SDCCAG8: variants seen among roughly 807,000 people sequenced by gnomAD.
SDCCAG8 encodes the protein serologically defined colon cancer antigen 8.
A neutral mutation model predicts 101.8 loss-of-function variants in SDCCAG8; 74 were observed. The observed-to-expected ratio is 0.73, with a 90% CI of 0.60 to 0.88. SDCCAG8 has a LOEUF of 0.88. Among genes scored for constraint, SDCCAG8 ranks in the 40% least tolerant of loss-of-function variants. The pLI is 0.00. For missense variants in SDCCAG8, 787 were observed against 822.6 expected (o/e 0.96, Z 0.53); for synonymous variants, 281 against 292.9 (o/e 0.96, Z 0.41).
rs115217784 is a variant in SDCCAG8, at chr1:243,495,377, C to T, written c.2113-4379C>T. Reference sequence around the variant, plus strand: ...GGTTTCTGCGGCCCTGTTCCTTTCTCGGAGCCCAGAAGCAGCAAAGCCAAG... The same window carrying T: ...GGTTTCTGCGGCCCTGTTCCTTTCTTGGAGCCCAGAAGCAGCAAAGCCAAG... On this transcript the variant is annotated intron_variant, in intron 17 of 17. Transcript: ENST00000366541. 7.1e-3 allele frequency among the ~76,000 whole-genome samples: 1,088 copies of T among 152,316 alleles called. 14 individuals carry two copies. The highest frequency in any genetic ancestry group is 0.024 in the African/African-American group (996 of 41,576).
rs187680899 is a variant in SDCCAG8, at chr1:243,496,956, C to T, written c.2113-2800C>T. Reference sequence around the variant, plus strand: ...GGGAGCAGTGGCCAGGGCGCCCTGTCGCCCCCCTCTGAGCTGCAGGACAGC... The same window carrying T: ...GGGAGCAGTGGCCAGGGCGCCCTGTTGCCCCCCTCTGAGCTGCAGGACAGC... On this transcript the variant is annotated intron_variant, in intron 17 of 17. Transcript: ENST00000366541. Among the ~76,000 whole-genome samples, 439 of 152,328 alleles carry T rather than the reference C, an allele frequency of 2.9e-3. 7 individuals carry two copies. Among genetic ancestry groups the T allele is most frequent in the Admixed American group, 0.021 (325 of 15,308 alleles).
Position 243,437,160 on chromosome 1 carries a change from T to A in SDCCAG8, c.1985+10602T>A, listed in dbSNP as rs181185038. On this transcript the variant is annotated intron_variant, in intron 16 of 17. Transcript: ENST00000366541. ...AATTAAATCTGATTTTTCATTTCTG[T>A]AGTTGTGTTTGTTGCTTTGCCTTAG... Among the ~76,000 whole-genome samples the A allele has an allele frequency of 4.3e-4, 65 of 152,364 alleles. 2 individuals carry two copies. Among genetic ancestry groups the A allele is most frequent in the Admixed American group, 4.1e-3 (63 of 15,306 alleles).
In SDCCAG8 at chr1:243,486,185, G is replaced by A. The variant is rs1025930820; in HGVS notation, c.1986-2829G>A. 1.5e-4 allele frequency among the ~76,000 whole-genome samples: 10 copies of A among 67,244 alleles called. No individual in the cohort carries two copies. In the Admixed American group the frequency reaches 1.5e-3, roughly 10 times the overall value. 44.1% of individuals were successfully genotyped at this position (67,244 alleles called of 152,430 possible). A position where few individuals can be genotyped will look rare whatever the true frequency, so the allele number is the denominator to read the frequency against. On this transcript the variant is annotated intron_variant, in intron 16 of 17. Coordinates refer to ENST00000366541, the MANE Select transcript of SDCCAG8 (RefSeq NM_006642.5). ...CATTGTACTCCAGCCTGGGCAACAA[G>A]AGCAAAACTCTGCCTCCAAAAAAAA...
rs369369025 is a variant in SDCCAG8, at chr1:243,320,986, GC to G, written c.1068+4094del. On this transcript the variant is annotated intron_variant, in intron 9 of 17. Coordinates refer to ENST00000366541, the MANE Select transcript of SDCCAG8 (RefSeq NM_006642.5). ...GATGTACCCTTTATATGCCTTTATA[GC>G]AGGGTTTTTCAACCTTGGTGCTATT... is the stretch of plus-strand genomic sequence containing the variant. 4.9e-3 allele frequency among the ~76,000 whole-genome samples: 739 copies of G among 152,230 alleles called. 9 individuals are homozygous for G. Among genetic ancestry groups the G allele is most frequent in the African/African-American group, 0.017 (709 of 41,538 alleles).
intron 16 of SDCCAG8, among the ~76,000 whole-genome samples, chr1:243,451,800 G>A (rs1254908383): frequency 3.3e-5 from 5 of 152,202 alleles, no homozygotes; most frequent in East Asian, 3.9e-4. Context: ...TTGGTGGTGC[G>A]TGCCTGTAAT....
At chr1:243,449,543 G>A (rs1024432251) in intron 16 of SDCCAG8, among the ~76,000 whole-genome samples, 1 of 152,188 alleles carries the variant, frequency 6.6e-6, no homozygotes, top group Admixed American at 6.5e-5. Flanking sequence ...CTTGGAAGAC[G>A]ATCCTTGGAA....
chr1:243,350,676 A>C (rs1489145174), intron 12 of SDCCAG8, among the ~76,000 whole-genome samples: 1 of 152,256 alleles, frequency 6.6e-6, no homozygotes, highest in South Asian at 2.1e-4. Flanking sequence ...TTGAGTCTTC[A>C]ATATGGACAG....
intron 1 of SDCCAG8, chr1:243,267,512 G>A: frequency 2.6e-6 from 1 of 388,128 alleles, no homozygotes. Context: ...TGAGGCAGGA[G>A]AATCGCTTGA....
intron 1 of SDCCAG8, among the ~76,000 whole-genome samples, chr1:243,258,395 T>C (rs539273642): frequency 2.0e-5 from 3 of 152,288 alleles, no homozygotes; most frequent in Admixed American, 2.0e-4. Flanking sequence ...TAAATTGCTA[T>C]TTTTGAGTAG....
In SDCCAG8 at chr1:243,396,790, A is replaced by G. The variant is rs552578136; in HGVS notation, c.1616+17927A>G. 2.2e-3 allele frequency among the ~76,000 whole-genome samples: 342 copies of G among 152,336 alleles called. 1 individual carries two copies. The highest frequency in any genetic ancestry group is 8.1e-3 in the African/African-American group (335 of 41,570). ...AATGATCATTAAAACACCATGTCTT[A>G]CTACTTTGACTCCAAATTATTGTCT... On this transcript the variant is annotated intron_variant, in intron 13 of 17. Coordinates refer to ENST00000366541, the MANE Select transcript of SDCCAG8 (RefSeq NM_006642.5).
chr1:243,341,099 G>A lies in SDCCAG8; in HGVS notation c.1282G>A (p.Glu428Lys). 1.2e-6 allele frequency: 2 copies of A among 1,614,074 alleles called. No individual in the cohort carries two copies. The highest frequency in any genetic ancestry group is 1.7e-6 in the Non-Finnish European group (2 of 1,179,928). Reference sequence around the variant, plus strand: ...GGCCCAGGTGGAAAAGGTTACAAAGGAAAAGATTTCAGCTATTAATCAACT... The same window carrying A: ...GGCCCAGGTGGAAAAGGTTACAAAGAAAAAGATTTCAGCTATTAATCAACT... ...LEAQVEKVTK[E>K]KISAINQLEE... The change falls in exon 11 of 18, where the codon GAA becomes AAA. Residue 428 changes from glutamate to lysine, a missense_variant. Glu to Lys is a moderately conservative substitution (Grantham distance 56). Coordinates refer to ENST00000366541, the MANE Select transcript of SDCCAG8 (RefSeq NM_006642.5).
At chr1:243,300,557 A>G (rs1013582898) in intron 6 of SDCCAG8, among the ~76,000 whole-genome samples, 1 of 152,126 alleles carries the variant, frequency 6.6e-6, no homozygotes, top group Middle Eastern at 3.2e-3. Context: ...TGATATTTTT[A>G]TTCTTCTTGT....
At chr1:243,281,588 T>C (rs1286733077) in intron 4 of SDCCAG8, among the ~76,000 whole-genome samples, 1 of 151,952 alleles carries the variant, frequency 6.6e-6, no homozygotes, top group African/African-American at 2.4e-5. Flanking sequence ...GTTACTATTA[T>C]CTTCATTGTC....
chr1:243,448,897 T>G (rs2083140444), intron 16 of SDCCAG8, among the ~76,000 whole-genome samples: 2 of 152,208 alleles, frequency 1.3e-5, no homozygotes, highest in South Asian at 4.1e-4. Flanking sequence ...ATCCTTTTTA[T>G]CTCCTAAAAT....
chr1:243,492,808 C>T lies in SDCCAG8; in HGVS notation c.2112+3668C>T, dbSNP rs141632962. Among the ~76,000 whole-genome samples the T allele has an allele frequency of 4.0e-4, 59 of 148,116 alleles. 1 individual carries two copies. The highest frequency in any genetic ancestry group is 3.5e-3 in the East Asian group (17 of 4,886). ...TTTTAGTAGAGACTGGGTTTCTCCA[C>T]GTAGGCCAGGCTGGTCTCGAACTCC... On this transcript the variant is annotated intron_variant, in intron 17 of 17. Transcript: ENST00000366541.
At chr1:243,399,255 C>G (rs1209120335) in intron 13 of SDCCAG8, among the ~76,000 whole-genome samples, 1 of 152,170 alleles carries the variant, frequency 6.6e-6, no homozygotes, top group Non-Finnish European at 1.5e-5. Flanking sequence ...TTTCCTTTCT[C>G]TAAGTCTAGT....
intron 12 of SDCCAG8, among the ~76,000 whole-genome samples, chr1:243,377,788 G>A (rs531897725): frequency 2.0e-5 from 3 of 148,932 alleles, no homozygotes; most frequent in African/African-American, 4.9e-5. Context: ...TATCAAATTT[G>A]CTTCTTGCTT....
chr1:243,499,742 AT>A lies in SDCCAG8; in HGVS notation c.2113-12del, dbSNP rs1669053292. 1.9e-6 allele frequency: 3 copies of A among 1,606,012 alleles called. No individual in the cohort carries two copies. The highest frequency in any genetic ancestry group is 2.6e-6 in the Non-Finnish European group (3 of 1,172,886). ...CATGAGCTATTGAAACTTACTTTTTATTATTTTTTCCAGTTACCCAGCATGC... is the reference window on the plus strand; with the variant it reads ...CATGAGCTATTGAAACTTACTTTTTATATTTTTTCCAGTTACCCAGCATGC... On this transcript the variant is annotated splice_polypyrimidine_tract_variant and intron_variant, in intron 17 of 17. Coordinates refer to ENST00000366541, the MANE Select transcript of SDCCAG8 (RefSeq NM_006642.5).
At chr1:243,289,196 G>C (rs1165156685) in intron 5 of SDCCAG8, among the ~76,000 whole-genome samples, 1 of 152,120 alleles carries the variant, frequency 6.6e-6, no homozygotes, top group Non-Finnish European at 1.5e-5. Flanking sequence ...GCCAGTCTGA[G>C]TCCCAAAGCT....
Sources: gnomAD v4.1 joint callset for allele counts (sites outside exome capture counted in the v4.1 genomes callset) on GRCh38, gnomAD v4.1.1 for gene constraint, MANE v1.5 for transcripts, NCBI Gene and HGNC (gene_info 2026-07-23, HGNC 2026-07-21) for gene names.